Variants in NOTCH1 observed in about 807,000 individuals in gnomAD.
The protein encoded by NOTCH1 is notch receptor 1.
NOTCH1 carries 37 observed loss-of-function variants against 254.8 expected under a neutral mutation model. That is an observed-to-expected ratio of 0.15 (90% CI 0.11 to 0.19). The LOEUF (loss-of-function observed/expected upper bound fraction) is 0.19, where lower values mean the gene tolerates loss of function less well. Among genes scored for constraint, NOTCH1 ranks in the 10% least tolerant of loss-of-function variants. The probability of loss-of-function intolerance (pLI) is 1.00; values close to 1 mark genes in which losing one functional copy is unlikely to be tolerated. For missense variants in NOTCH1, 2,972 were observed against 3,708.6 expected (o/e 0.80, Z 5.16); for synonymous variants, 1,731 against 1,618.1 (o/e 1.07, Z -1.68).
At chr9:136,505,275 G>T in intron 25 of NOTCH1, 35 bp downstream of exon 25, 1 of 1,548,932 alleles carries the variant, frequency 6.5e-7, no homozygotes, top group Non-Finnish European at 8.7e-7. Flanking sequence ...CCAAGTTCAG[G>T]TCCTCCCTCA....
In NOTCH1 at chr9:136,506,847, G is replaced by A. The variant is rs200245794; in HGVS notation, c.3770C>T (p.Pro1257Leu). The A allele has an allele frequency of 1.2e-5, 20 of 1,612,026 alleles. No homozygotes were observed. The highest frequency in any genetic ancestry group is 3.3e-5 in the Admixed American group (2 of 59,946). Residue 1257 changes from proline (P) to leucine (L), a missense_variant, in exon 23 of 34, where the codon CCG becomes CTG. Pro to Leu is a moderately conservative substitution (Grantham distance 98, BLOSUM62 -3). Transcript: ENST00000651671. The surrounding 1 kb of genome is among the most constrained non-coding windows in gnomAD (Gnocchi z 4.5). ...CTCACAGCGCTCACCCACGAAGCCC[G>A]GCGGGCAGGTGCAGCTGTAGCCGCC... Reference protein sequence around the residue: ...QVGGYSCTCPPGFVGERCEGD... With the variant: ...QVGGYSCTCPLGFVGERCEGD...
intron 10 of NOTCH1, 124 bp downstream of exon 10, chr9:136,515,857 G>A (rs1452199285): frequency 3.6e-5 from 33 of 924,804 alleles, no homozygotes; most frequent in Non-Finnish European, 4.9e-5. Flanking sequence ...TTGGGGCTGA[G>A]CTGTGCTCTC....
chr9:136,522,618 CAG>C (rs1843390035), intron 4 of NOTCH1: 1 of 535,038 alleles, frequency 1.9e-6, no homozygotes, highest in African/African-American at 2.0e-5. Flanking sequence ...CGGGAAACTC[CAG>C]AGACACGGGC....
At chr9:136,498,041 G>C (rs1169466331) in intron 33 of NOTCH1, among the ~76,000 whole-genome samples, 1 of 152,048 alleles carries the variant, frequency 6.6e-6, no homozygotes, top group African/African-American at 2.4e-5. Flanking sequence ...ACAGGTCTGG[G>C]TGAGGCTGCT....
At chr9:136,539,002 G>A (rs1355756370) in intron 2 of NOTCH1, among the ~76,000 whole-genome samples, 10 of 152,210 alleles carry the variant, frequency 6.6e-5, no homozygotes, top group East Asian at 1.9e-4. Flanking sequence ...ACCGGTGGCC[G>A]CTGCTGCCCA....
chr9:136,506,434 A>T lies in NOTCH1; in HGVS notation c.4014+93T>A. Reference sequence around the variant, plus strand: ...GAGGAGGAGGATGAAGGCCGGGAGGATCACTGCCCGGTCTGCGCCCCGAGG... The same window carrying T: ...GAGGAGGAGGATGAAGGCCGGGAGGTTCACTGCCCGGTCTGCGCCCCGAGG... On this transcript the variant is annotated intron_variant, in intron 24 of 33. Transcript: ENST00000651671. This position sits in a 1 kb window ranked among gnomAD's most constrained non-coding sequence, Gnocchi z 4.5. The T allele has an allele frequency of 9.4e-7, 1 of 1,068,202 alleles. No homozygotes were observed. 66.2% of individuals were successfully genotyped at this position (1,068,202 alleles called of 1,614,324 possible).
At chr9:136,515,452 C>G (rs748052743) in intron 11 of NOTCH1, 31 bp downstream of exon 11, 1 of 1,611,384 alleles carries the variant, frequency 6.2e-7, no homozygotes, top group East Asian at 2.2e-5. Flanking sequence ...TGCCCACTGG[C>G]CCCCCGCCGG....
chr9:136,541,947 G>A (rs571069703), intron 2 of NOTCH1, among the ~76,000 whole-genome samples: 5 of 152,386 alleles, frequency 3.3e-5, no homozygotes, highest in African/African-American at 1.2e-4. Flanking sequence ...CCAAGAAGGA[G>A]GGGGCGCCAG....
intron 13 of NOTCH1, 42 bp downstream of exon 13, chr9:136,514,468 G>C (rs1306343400): frequency 6.5e-7 from 1 of 1,540,280 alleles, no homozygotes; most frequent in Non-Finnish European, 8.7e-7. Flanking sequence ...AGCTCCCAGG[G>C]TTTAGGACTG....
In NOTCH1 at chr9:136,509,958, G is replaced by T. The variant is rs755058802; in HGVS notation, c.2744C>A (p.Pro915Gln). 1 of 1,612,826 alleles carries T rather than the reference G, an allele frequency of 6.2e-7. No individual in the cohort carries two copies. The highest frequency in any genetic ancestry group is 1.1e-5 in the South Asian group (1 of 91,086). ...ETDIDDCRPN[P>Q]CHNGGSCTDG... ...TGTGCAGGAGCCCCCGTTGTGACACGGGTCTGGGAGAGGACGGAAGGGTGA... is the reference window on the plus strand; with the variant it reads ...TGTGCAGGAGCCCCCGTTGTGACACTGGTCTGGGAGAGGACGGAAGGGTGA... The change falls in exon 18 of 34, where the codon CCG becomes CAG. Residue 915 changes from proline (P) to glutamine (Q), a missense_variant. Physicochemically the swap from Pro to Gln is moderately conservative, Grantham distance 76 (BLOSUM62 -1). Transcript: ENST00000651671.
chr9:136,535,967 T>A (rs796429363), intron 2 of NOTCH1, among the ~76,000 whole-genome samples: 27 of 27,498 alleles, frequency 9.8e-4, no homozygotes, highest in African/African-American at 1.7e-3. Context: ...GGATCCCTCC[T>A]GGGGCAATGG....
Position 136,497,561 on chromosome 9 carries a change from G to A in NOTCH1, c.6181-3C>T. ...GCCAGAAACAGGGGTGTCTCCTCCT[G>A]GGGGATGAGGGCGGGGGCCGGTGAG... On this transcript the variant is annotated splice_region_variant and splice_polypyrimidine_tract_variant and intron_variant, in intron 33 of 33. Coordinates refer to ENST00000651671, the MANE Select transcript of NOTCH1 (RefSeq NM_017617.5). The A allele has an allele frequency of 6.3e-7, 1 of 1,592,100 alleles. No individual in the cohort carries two copies. The highest frequency in any genetic ancestry group is 8.5e-7 in the Non-Finnish European group (1 of 1,170,636).
chr9:136,524,041 A>T (rs986085934), intron 2 of NOTCH1, 62 bp from the exon 3 acceptor site: 1 of 1,530,248 alleles, frequency 6.5e-7, no homozygotes, highest in Non-Finnish European at 8.8e-7. Context: ...CCCGCCACTC[A>T]GCACCGGGAA....
At position 136,523,098 on chromosome 9, in the gene NOTCH1, T is replaced by C. The variant is rs775978653; in HGVS notation, c.494A>G (p.His165Arg). Reference sequence around the variant, plus strand: ...GGGGCCATGGAAGCTGGGTGGGCAGTGGCAGATGTAGGAGGCCTCGAAGGG... The same window carrying C: ...GGGGCCATGGAAGCTGGGTGGGCAGCGGCAGATGTAGGAGGCCTCGAAGGG... ...CLPFEASYIC[H>R]CPPSFHGPTC... Residue 165 changes from histidine (H) to arginine (R), a missense_variant, in exon 4 of 34, where the codon CAC (histidine) becomes CGC (arginine). Coordinates refer to ENST00000651671, the MANE Select transcript of NOTCH1 (RefSeq NM_017617.5). 6.2e-7 allele frequency: 1 copy of C among 1,600,162 alleles called. No homozygotes were observed. Among genetic ancestry groups the C allele is most frequent in the Non-Finnish European group, 8.5e-7 (1 of 1,174,338 alleles).
At chr9:136,510,369 C>T (rs946542413) in intron 17 of NOTCH1, 32 of 579,686 alleles carry the variant, frequency 5.5e-5, no homozygotes, top group Middle Eastern at 4.5e-4. Flanking sequence ...ATGAGCCAGG[C>T]GGGAGTGCAG....
chr9:136,534,860 G>GACCCCCCC (rs1843617965), intron 2 of NOTCH1, among the ~76,000 whole-genome samples: 1 of 39,848 alleles, frequency 2.5e-5, no homozygotes, highest in Non-Finnish European at 4.8e-5. Context: ...CCTCCCCACA[G>GACCCCCCC]AGCCCCCAGT....
chr9:136,496,745 G>A lies in NOTCH1; in HGVS notation c.6994C>T (p.Pro2332Ser), dbSNP rs1291495851. ...QYNPLRGSVA[P>S]GPLSTQAPSL... ...GGGGCCTGTGTGCTCAGGGGGCCTG[G>A]TGCCACACTCCCCCGCAGAGGGTTG... The change falls in exon 34 of 34, where the codon CCA (proline) becomes TCA (serine). Residue 2332 changes from proline (P) to serine (S), a missense_variant. This residue lies in a region of NOTCH1 where 529 missense variants were observed against 529.2 expected (regional missense o/e 1.00). Transcript: ENST00000651671. The A allele has an allele frequency of 6.2e-7, 1 of 1,612,816 alleles. No homozygotes were observed. Among genetic ancestry groups the A allele is most frequent in the Non-Finnish European group, 8.5e-7 (1 of 1,179,998 alleles).
chr9:136,505,952 C>A (rs1005171591), intron 24 of NOTCH1, 71 bp from the exon 25 acceptor site: 4 of 1,416,322 alleles, frequency 2.8e-6, no homozygotes, highest in Non-Finnish European at 3.8e-6. Context: ...TCACACCCAG[C>A]CCTCGGCCAG....
chr9:136,508,023 C>T lies in NOTCH1; in HGVS notation c.3442G>A (p.Glu1148Lys), dbSNP rs1060502239. The T allele has an allele frequency of 7.4e-6, 12 of 1,612,326 alleles. No individual in the cohort carries two copies. Among genetic ancestry groups the T allele is most frequent in the African/African-American group, 1.3e-5 (1 of 74,940 alleles). Residue 1148 changes from glutamate to lysine, a missense_variant, in exon 21 of 34, where the codon GAG becomes AAG. Physicochemically the swap from Glu to Lys is moderately conservative, Grantham distance 56. Transcript: ENST00000651671. The stretch of plus-strand genomic sequence containing the variant: ...TTCTGGCAGGGGCTGGGTGAGCACT[C>T]GTCCACCAGGTCCTCACAGTAGCTG... ...TGSYCEDLVD[E>K]CSPSPCQNGA...
Sources: gnomAD v4.1 joint callset for allele counts (sites outside exome capture counted in the v4.1 genomes callset) on GRCh38, gnomAD v4.1.1 for gene constraint, gnomAD v4.1.1 regional missense constraint, Gnocchi (gnomAD v3.1) non-coding constraint, MANE v1.5 for transcripts, NCBI Gene and HGNC (gene_info 2026-07-23, HGNC 2026-07-21) for gene names.